The following CNTN3 variants were observed in gnomAD, a reference collection of about 807,000 sequenced individuals.
CNTN3 encodes contactin-3.
A neutral mutation model predicts 119.1 loss-of-function variants in CNTN3; 60 were observed. The observed-to-expected ratio is 0.50, with a 90% CI of 0.41 to 0.62. The LOEUF is 0.62. Ranked by LOEUF, CNTN3 falls within the 20% of genes least tolerant of loss-of-function variation. CNTN3 has a pLI of 0.00. For missense variants in CNTN3, 1,101 were observed against 1,242.4 expected, an observed-to-expected ratio of 0.89 and a Z score of 1.71; for synonymous variants, 450 against 438.7, an observed-to-expected ratio of 1.03 and a Z score of -0.32.
At chr3:74,388,418 T>C (rs1189004170) in intron 5 of CNTN3, among the ~76,000 whole-genome samples, 5 of 152,044 alleles carry the variant, frequency 3.3e-5, no homozygotes, top group African/African-American at 1.2e-4. Context: ...TAAGTGTGAC[T>C]CAAAAATTCA....
At chr3:74,601,811 G>A (rs1038039071) in intron 1 of CNTN3, among the ~76,000 whole-genome samples, 22 of 152,056 alleles carry the variant, frequency 1.4e-4, no homozygotes, top group African/African-American at 4.8e-4. Context: ...AGCAATACAA[G>A]ATCTTAAGAG....
At chr3:74,436,230 T>G (rs1480153966) in intron 4 of CNTN3, among the ~76,000 whole-genome samples, 1 of 152,222 alleles carries the variant, frequency 6.6e-6, no homozygotes, top group Non-Finnish European at 1.5e-5. Flanking sequence ...AAGGTCTAAC[T>G]AAAAATACCC....
chr3:74,288,617 C>T (rs1233515700), intron 19 of CNTN3, among the ~76,000 whole-genome samples: 2 of 152,130 alleles, frequency 1.3e-5, no homozygotes, highest in Admixed American at 6.5e-5. Flanking sequence ...AGACTGATTC[C>T]TCCAAAATAT....
At chr3:74,462,436 G>T (rs922625266) in intron 4 of CNTN3, among the ~76,000 whole-genome samples, 8 of 151,936 alleles carry the variant, frequency 5.3e-5, no homozygotes, top group African/African-American at 1.9e-4. Context: ...TCATGTCTAT[G>T]CCTTTGTTTT....
At chr3:74,415,256 C>T (rs922714756) in intron 5 of CNTN3, among the ~76,000 whole-genome samples, 2 of 152,102 alleles carry the variant, frequency 1.3e-5, no homozygotes, top group Non-Finnish European at 2.9e-5. Flanking sequence ...AGCCATGCTG[C>T]TGTGAGAACA....
intron 5 of CNTN3, among the ~76,000 whole-genome samples, chr3:74,417,413 A>T (rs557155623): frequency 6.6e-6 from 1 of 152,344 alleles, no homozygotes; most frequent in African/African-American, 2.4e-5. Flanking sequence ...AATCTTATTC[A>T]AGTGAAGACA....
chr3:74,316,627 C>A (rs148865334), intron 13 of CNTN3, among the ~76,000 whole-genome samples: 2 of 152,074 alleles, frequency 1.3e-5, no homozygotes, highest in Admixed American at 1.3e-4. Flanking sequence ...AAATGTGGTA[C>A]ATATATACCA....
At chr3:74,298,284 T>C in intron 17 of CNTN3, 93 bp from the exon 18 acceptor site, 1 of 740,986 alleles carries the variant, frequency 1.3e-6, no homozygotes, top group South Asian at 2.3e-5. Context: ...TTTGTAAAAG[T>C]CATCAAATAA....
chr3:74,271,568 G>T (rs748857133), intron 20 of CNTN3, among the ~76,000 whole-genome samples: 61 of 152,288 alleles, frequency 4.0e-4, no homozygotes, highest in Middle Eastern at 3.4e-3. Flanking sequence ...GAAATTTTAA[G>T]AACATATGTT....
At chr3:74,362,071 T>C (rs374449009) in intron 10 of CNTN3, 31 bp from the exon 11 acceptor site, 375 of 1,602,892 alleles carry the variant, frequency 2.3e-4, no homozygotes, top group Non-Finnish European at 3.0e-4. Flanking sequence ...GAAGGAGAAG[T>C]GGATCATTTA....
At chr3:74,352,098 A>G (rs1031824995) in intron 11 of CNTN3, among the ~76,000 whole-genome samples, 3 of 152,230 alleles carry the variant, frequency 2.0e-5, no homozygotes, top group Admixed American at 6.5e-5. Flanking sequence ...TATCTGTGGA[A>G]GAACTCAAGC....
intron 5 of CNTN3, among the ~76,000 whole-genome samples, chr3:74,423,542 A>T (rs1002454376): frequency 6.6e-6 from 1 of 152,126 alleles, no homozygotes; most frequent in African/African-American, 2.4e-5. Context: ...TGGGTGGTGT[A>T]TCTCTTCGTA....
chr3:74,306,067 A>T (rs1283050440), intron 13 of CNTN3, among the ~76,000 whole-genome samples: 1 of 151,996 alleles, frequency 6.6e-6, no homozygotes, highest in Non-Finnish European at 1.5e-5. Context: ...GAGTATTCCC[A>T]GGCATTTAAG....
intron 5 of CNTN3, among the ~76,000 whole-genome samples, chr3:74,421,416 T>C (rs1247676170): frequency 6.6e-6 from 1 of 152,132 alleles, no homozygotes; most frequent in East Asian, 1.9e-4. Context: ...GCAATCTGCC[T>C]GCCTCGGCCT....
chr3:74,483,723 T>C (rs768997447), intron 4 of CNTN3, among the ~76,000 whole-genome samples: 3 of 152,092 alleles, frequency 2.0e-5, no homozygotes, highest in Non-Finnish European at 2.9e-5. Context: ...CTTTATGTTC[T>C]AAGAATAATA....
At chr3:74,441,749 T>C (rs1701970150) in intron 4 of CNTN3, among the ~76,000 whole-genome samples, 1 of 152,192 alleles carries the variant, frequency 6.6e-6, no homozygotes, top group Non-Finnish European at 1.5e-5. Flanking sequence ...TTGGCCCTGT[T>C]TGTTTATTGA....
intron 1 of CNTN3, among the ~76,000 whole-genome samples, chr3:74,606,089 T>C (rs944008140): frequency 2.6e-5 from 4 of 151,934 alleles, no homozygotes; most frequent in African/African-American, 9.7e-5. Flanking sequence ...CTAGAGACCA[T>C]TGAAAGCATT....
At chr3:74,441,261 C>T (rs1453131738) in intron 4 of CNTN3, among the ~76,000 whole-genome samples, 2 of 151,960 alleles carry the variant, frequency 1.3e-5, no homozygotes, top group African/African-American at 2.4e-5. Context: ...TAACACTATA[C>T]CCCAAAATAC....
chr3:74,587,668 T>G (rs994915641), intron 1 of CNTN3, among the ~76,000 whole-genome samples: 10 of 152,132 alleles, frequency 6.6e-5, no homozygotes, highest in Non-Finnish European at 1.3e-4. Context: ...ATCGTAAAAC[T>G]CCAGGACTTC....
Sources: allele counts gnomAD v4.1 joint callset (sites outside exome capture counted in the v4.1 genomes callset), GRCh38; gene constraint gnomAD v4.1.1; transcripts MANE v1.5; gene names NCBI Gene and HGNC (gene_info 2026-07-23, HGNC 2026-07-21).